DNAH14: variants seen among roughly 807,000 people sequenced by gnomAD.
DNAH14 encodes dynein axonemal heavy chain 14, also known as axonemal beta dynein heavy chain 14.
A neutral mutation model predicts 520.9 loss-of-function variants in DNAH14; 478 were observed. The observed-to-expected ratio is 0.92, with a 90% confidence interval of 0.85 to 0.99. The LOEUF (loss-of-function observed/expected upper bound fraction) is 0.99, where lower values mean the gene tolerates loss of function less well. Among genes scored for constraint, DNAH14 ranks in the 50% least tolerant of loss-of-function variants. The probability of loss-of-function intolerance (pLI) is 0.00; values close to 1 mark genes in which losing one functional copy is unlikely to be tolerated. For missense variants in DNAH14, 4,831 were observed against 5,234.5 expected (o/e 0.92, Z 2.38); for synonymous variants, 1,581 against 1,757.2 (o/e 0.90, Z 2.51).
chr1:225,211,692 T>G lies in DNAH14; in HGVS notation c.6439+4472T>G, dbSNP rs183246737. On this transcript the variant is annotated intron_variant, in intron 41 of 85. Transcript: ENST00000682510. Reference sequence around the variant, plus strand: ...GAAGAGAAACCCCAAGACACATAATTGTCAGATTCACCAAGGTTGAAATGA... The same window carrying G: ...GAAGAGAAACCCCAAGACACATAATGGTCAGATTCACCAAGGTTGAAATGA... 2.6e-4 allele frequency among the ~76,000 whole-genome samples: 39 copies of G among 151,762 alleles called. 1 individual carries two copies. The East Asian group carries it at 7.4e-3, about 29-fold the overall frequency.
At chr1:225,322,609 G>T in intron 61 of DNAH14, 55 bp from the exon 62 acceptor site, 1 of 1,391,610 alleles carries the variant, frequency 7.2e-7, no homozygotes, top group Non-Finnish European at 9.6e-7. Context: ...GATATTTACA[G>T]GGTGCATTTC....
At chr1:225,337,091 C>T (rs1437510955) in intron 66 of DNAH14, among the ~76,000 whole-genome samples, 175 bp from the exon 67 acceptor site, 1 of 152,102 alleles carries the variant, frequency 6.6e-6, no homozygotes, top group Non-Finnish European at 1.5e-5. Flanking sequence ...TGAATAATTA[C>T]CTTCCCAAAA....
chr1:225,336,386 A>G (rs990083599), intron 66 of DNAH14, among the ~76,000 whole-genome samples: 1 of 152,140 alleles, frequency 6.6e-6, no homozygotes, highest in Non-Finnish European at 1.5e-5. Flanking sequence ...AGCTCATTTT[A>G]CAATAGGAAT....
intron 36 of DNAH14, among the ~76,000 whole-genome samples, chr1:225,174,331 A>G (rs2083074349): frequency 6.6e-6 from 1 of 152,166 alleles, no homozygotes; most frequent in Admixed American, 6.5e-5. Context: ...ATATCTTTCC[A>G]TTTATTTGTG....
At chr1:224,955,473 T>G (rs1396215849) in intron 3 of DNAH14, among the ~76,000 whole-genome samples, 1 of 152,192 alleles carries the variant, frequency 6.6e-6, no homozygotes, top group African/African-American at 2.4e-5. Flanking sequence ...ACCTCCTTTA[T>G]TGGTCTTACC....
rs572499128 is a variant in DNAH14, at chr1:225,103,606, G to A, written c.3867+2722G>A. ...AGTTCTCCTTGAAGAGGTCCTTCAC[G>A]TCCCTTGTAAGTTGGATTCCTAGGT... On this transcript the variant is annotated intron_variant, in intron 23 of 85. Transcript: ENST00000682510. Among the ~76,000 whole-genome samples the A allele has an allele frequency of 7.1e-4, 108 of 151,870 alleles. 1 individual carries two copies. Among genetic ancestry groups the A allele is most frequent in the South Asian group, 1.7e-3 (8 of 4,806 alleles).
chr1:225,018,166 A>G (rs1572495512), intron 10 of DNAH14, among the ~76,000 whole-genome samples: 1 of 152,340 alleles, frequency 6.6e-6, no homozygotes, highest in East Asian at 1.9e-4. Context: ...GGAAAACAGT[A>G]AAACAATCCA....
chr1:225,167,807 T>G (rs2082177100), intron 35 of DNAH14, 132 bp from the exon 36 acceptor site: 1 of 494,080 alleles, frequency 2.0e-6, no homozygotes, highest in Non-Finnish European at 3.5e-6. Context: ...CAGAGGTTGG[T>G]GAACTAAAAA....
chr1:225,305,144 G>A (rs550296009), intron 58 of DNAH14, 55 bp downstream of exon 58: 94 of 1,480,246 alleles, frequency 6.4e-5, no homozygotes, highest in Non-Finnish European at 7.8e-5. Flanking sequence ...TTTTGTTTGC[G>A]AAAAGAGACA....
At chr1:224,990,293 C>T (rs1406748117) in intron 8 of DNAH14, among the ~76,000 whole-genome samples, 2 of 152,130 alleles carry the variant, frequency 1.3e-5, no homozygotes, top group South Asian at 2.1e-4. Context: ...ATATTTATCA[C>T]CTCAAACACT....
chr1:225,394,458 A>G (rs530120951), intron 84 of DNAH14, among the ~76,000 whole-genome samples: 1 of 152,334 alleles, frequency 6.6e-6, no homozygotes, highest in African/African-American at 2.4e-5. Flanking sequence ...TGTTTAAGAA[A>G]TCTTTGCCTA....
At chr1:225,398,427 C>T in intron 84 of DNAH14, 93 bp from the exon 85 acceptor site, 1 of 1,416,358 alleles carries the variant, frequency 7.1e-7, no homozygotes. Context: ...CAGGATGAGC[C>T]CCTCTGGATC....
intron 31 of DNAH14, among the ~76,000 whole-genome samples, chr1:225,150,667 T>G (rs1388435300): frequency 6.6e-6 from 1 of 152,160 alleles, no homozygotes; most frequent in Non-Finnish European, 1.5e-5. Flanking sequence ...TCTTCCAGAT[T>G]TTCTAGTTTG....
intron 27 of DNAH14, among the ~76,000 whole-genome samples, chr1:225,124,880 A>T (rs928171105): frequency 1.3e-5 from 2 of 152,208 alleles, no homozygotes; most frequent in African/African-American, 4.8e-5. Context: ...TTTCTTAAAT[A>T]ATAAGCCTTG....
chr1:225,043,904 A>G lies in DNAH14; in HGVS notation c.1833A>G (p.Thr611=), dbSNP rs2067705117. 3 of 1,527,692 alleles carry G rather than the reference A, an allele frequency of 2.0e-6. No homozygotes were observed. The highest frequency in any genetic ancestry group is 2.5e-5 in the South Asian group (2 of 81,238). 94.6% of individuals were successfully genotyped at this position (1,527,692 alleles called of 1,614,324 possible). The change falls in exon 15 of 86, where the codon ACA becomes ACG. Residue 611 remains threonine (T), a synonymous_variant. Coordinates refer to ENST00000682510, the MANE Select transcript of DNAH14 (RefSeq NM_001367479.1). ...CTGTTAGATTTCCAGAATTTCCTAC[A>G]AATCTCTTTATAGATCCCAACAGAT... The part of the protein sequence containing the change: ...YMYYEFPEFP[T]NLFIDPNRLE...
chr1:225,250,677 C>T, intron 43 of DNAH14: 2 of 566,088 alleles, frequency 3.5e-6, no homozygotes, highest in Non-Finnish European at 6.5e-6. Context: ...TGGGGTCAGT[C>T]ACAGGGCAGA....
intron 72 of DNAH14, 66 bp from the exon 73 acceptor site, chr1:225,353,737 G>T: frequency 1.2e-6 from 1 of 832,108 alleles, no homozygotes; most frequent in Non-Finnish European, 1.9e-6. Flanking sequence ...TTTTCATTGT[G>T]ATATGTTTTA....
At chr1:225,320,911 T>G (rs2094544851) in intron 61 of DNAH14, among the ~76,000 whole-genome samples, 1 of 152,222 alleles carries the variant, frequency 6.6e-6, no homozygotes, top group Non-Finnish European at 1.5e-5. Flanking sequence ...TAATTTAAAT[T>G]AAATTTCCTA....
At chr1:225,383,963 A>G (rs1203831017) in intron 81 of DNAH14, among the ~76,000 whole-genome samples, 1 of 152,182 alleles carries the variant, frequency 6.6e-6, no homozygotes, top group Non-Finnish European at 1.5e-5. Context: ...GTTTCAAAGA[A>G]CATCTTTATT....
Sources: gnomAD v4.1 joint callset for allele counts (sites outside exome capture counted in the v4.1 genomes callset) on GRCh38, gnomAD v4.1.1 for gene constraint, MANE v1.5 for transcripts, NCBI Gene and HGNC (gene_info 2026-07-23, HGNC 2026-07-21) for gene names.